Variants in RANBP2 observed in about 807,000 individuals in gnomAD.
The protein encoded by RANBP2 is RAN binding protein 2.
RANBP2 carries 57 observed loss-of-function variants against 303.6 expected under a neutral mutation model. That is an observed-to-expected ratio of 0.19 (90% CI 0.15 to 0.23). The LOEUF is 0.23. Ranked by LOEUF, RANBP2 falls within the 10% of genes least tolerant of loss-of-function variation. The pLI is 1.00. For synonymous variants in RANBP2, 1,167 were observed against 1,301.5 expected (o/e 0.90, Z 2.23); for missense variants, 3,138 against 3,780.8 (o/e 0.83, Z 4.46).
chr2:109,467,736 G>T, the RANBP2 span, among the ~76,000 whole-genome samples: 1 of 152,206 alleles, frequency 6.6e-6, no homozygotes, highest in Non-Finnish European at 1.5e-5. Flanking sequence ...GTTTGAAGCA[G>T]CTCCTCTCTG....
At chr2:108,733,047 C>T (rs1558878453) in intron 4 of RANBP2, among the ~76,000 whole-genome samples, 3 of 152,104 alleles carry the variant, frequency 2.0e-5, no homozygotes, top group African/African-American at 7.2e-5. Context: ...TGGTCTCGAA[C>T]TCCTGACCTC....
the RANBP2 span, among the ~76,000 whole-genome samples, chr2:108,853,178 C>A: frequency 6.6e-6 from 1 of 152,126 alleles, no homozygotes; most frequent in Non-Finnish European, 1.5e-5. Flanking sequence ...GAACATCAAC[C>A]GAGTTCTTGG....
chr2:109,259,622 A>G, the RANBP2 span, among the ~76,000 whole-genome samples: 1 of 152,246 alleles, frequency 6.6e-6, no homozygotes, highest in Non-Finnish European at 1.5e-5. Flanking sequence ...TTTATGGAGA[A>G]GTTGGTGACA....
the RANBP2 span, among the ~76,000 whole-genome samples, chr2:109,311,631 G>A: frequency 1.2e-4 from 18 of 152,312 alleles, no homozygotes; most frequent in South Asian, 3.5e-3. Context: ...GCCCTTGATG[G>A]CAAGACTGAA....
At chr2:108,729,866 C>T (rs552647544) in intron 2 of RANBP2, among the ~76,000 whole-genome samples, 7 of 152,024 alleles carry the variant, frequency 4.6e-5, no homozygotes, top group East Asian at 3.9e-4. Flanking sequence ...GATACAGATG[C>T]GCACCACCAC....
chr2:109,505,569 CTG>C, the RANBP2 span, among the ~76,000 whole-genome samples: 1 of 152,148 alleles, frequency 6.6e-6, no homozygotes, highest in Non-Finnish European at 1.5e-5. Flanking sequence ...TGGACAGTCA[CTG>C]GGGAGGTAGC....
chr2:108,839,304 A>G, the RANBP2 span: 1 of 1,606,808 alleles, frequency 6.2e-7, no homozygotes, highest in South Asian at 1.1e-5. Context: ...GAGCACAGGT[A>G]ATTGGTTAAT....
At chr2:109,166,458 A>G in the RANBP2 span, among the ~76,000 whole-genome samples, 24 of 108,274 alleles carry the variant, frequency 2.2e-4, no homozygotes, top group African/African-American at 7.2e-4. Flanking sequence ...GCCTGGTGAC[A>G]GAAAAAAAAA....
the RANBP2 span, among the ~76,000 whole-genome samples, chr2:109,349,489 GC>G: frequency 2.0e-3 from 309 of 152,254 alleles, 1 homozygote; most frequent in Non-Finnish European, 1.7e-3. Context: ...TTGCTTCTCT[GC>G]CCAGTGGACT....
chr2:109,646,183 A>G, the RANBP2 span, among the ~76,000 whole-genome samples: 1 of 152,050 alleles, frequency 6.6e-6, no homozygotes, highest in Admixed American at 6.6e-5. Flanking sequence ...ACTGTCCCTT[A>G]TCCGTAAGGC....
chr2:108,775,900 A>G lies in RANBP2; in HGVS notation c.8461A>G (p.Thr2821Ala). ...ETMDKPVDLSTRKEIDTDSTS... is the reference protein window; with the variant it reads ...ETMDKPVDLSARKEIDTDSTS... ...TATGGACAAACCTGTAGATTTGTCA[A>G]CTAGAAAGGAAATTGATACAGATTC... is the stretch of plus-strand genomic sequence containing the variant. Residue 2821 changes from threonine to alanine, a missense_variant, in exon 24 of 29, where the codon ACT (threonine) becomes GCT (alanine). Thr to Ala is a moderately conservative substitution (Grantham distance 58). Around this residue, in one of 20 missense-constraint regions of RANBP2, gnomAD observed 497 missense variants for 465.8 expected, o/e 1.07. Coordinates refer to ENST00000283195, the MANE Select transcript of RANBP2 (RefSeq NM_006267.5). 2 of 1,612,334 alleles carry G rather than the reference A, an allele frequency of 1.2e-6. No individual in the cohort carries two copies. The highest frequency in any genetic ancestry group is 1.7e-6 in the Non-Finnish European group (2 of 1,179,876).
the RANBP2 span, among the ~76,000 whole-genome samples, chr2:109,235,943 C>G: frequency 6.6e-6 from 1 of 151,876 alleles, no homozygotes; most frequent in African/African-American, 2.4e-5. Context: ...GTTGGTTTCA[C>G]CTTGACCTAT....
chr2:109,019,798 C>G, the RANBP2 span, among the ~76,000 whole-genome samples: 3 of 152,342 alleles, frequency 2.0e-5, no homozygotes, highest in East Asian at 5.8e-4. Flanking sequence ...TTTGGCTTCT[C>G]CTGTCCACAG....
At chr2:109,280,383 C>A in the RANBP2 span, among the ~76,000 whole-genome samples, 1 of 152,158 alleles carries the variant, frequency 6.6e-6, no homozygotes, top group South Asian at 2.1e-4. Context: ...ACAGCAGCAT[C>A]CCACCTGAGT....
the RANBP2 span, among the ~76,000 whole-genome samples, chr2:108,823,894 T>G: frequency 6.6e-6 from 1 of 152,068 alleles, no homozygotes; most frequent in Non-Finnish European, 1.5e-5. Flanking sequence ...AGAGAATTGC[T>G]TTAACACGGG....
chr2:109,584,474 C>CAAAAAAAAAAAAAAAA, the RANBP2 span, among the ~76,000 whole-genome samples: 1 of 72,044 alleles, frequency 1.4e-5, no homozygotes, highest in Non-Finnish European at 2.6e-5. Flanking sequence ...GACTCTGTCT[C>CAAAAAAAAAAAAAAAA]AAAAAAAAAA....
the RANBP2 span, among the ~76,000 whole-genome samples, chr2:109,084,976 C>G: frequency 6.6e-6 from 1 of 152,140 alleles, no homozygotes. Context: ...AACACCTGAG[C>G]CTGACCTGGT....
At chr2:109,473,053 G>T in the RANBP2 span, among the ~76,000 whole-genome samples, 1 of 152,354 alleles carries the variant, frequency 6.6e-6, no homozygotes, top group Middle Eastern at 3.4e-3. Flanking sequence ...AGGGTCACAT[G>T]GTGTTGCAGC....
chr2:108,740,303 G>C (rs1369475759), intron 6 of RANBP2, among the ~76,000 whole-genome samples, 186 bp from the exon 7 acceptor site: 2 of 152,140 alleles, frequency 1.3e-5, no homozygotes, highest in Admixed American at 6.5e-5. Context: ...TGAAGTATAG[G>C]AAGTATGCAG....
Sources: gnomAD v4.1 joint callset for allele counts (sites outside exome capture counted in the v4.1 genomes callset) on GRCh38, gnomAD v4.1.1 for gene constraint, gnomAD v4.1.1 regional missense constraint, MANE v1.5 for transcripts, NCBI Gene and HGNC (gene_info 2026-07-23, HGNC 2026-07-21) for gene names.